APP: variants seen among roughly 807,000 people sequenced by gnomAD.
APP encodes the protein amyloid-beta precursor protein.
Under a neutral mutation model 101.4 loss-of-function variants are expected in APP, and 31 were observed. That is an observed-to-expected ratio of 0.31 (90% confidence interval 0.23 to 0.41). The LOEUF (loss-of-function observed/expected upper bound fraction) is 0.41. Among genes scored for constraint, APP ranks in the 10% least tolerant of loss-of-function variants. APP has a pLI of 1.00. For missense variants in APP, 839 were observed against 1,003.7 expected (o/e 0.84, Z 2.22); for synonymous variants, 366 against 364.4 (o/e 1.00, Z -0.05).
chr21:25,897,621 A>C lies in APP; in HGVS notation c.2016T>G (p.Asp672Glu). Reference protein sequence around the residue: ...KTEEISEVKMDAEFRHDSGYE... With the variant: ...KTEEISEVKMEAEFRHDSGYE... ...ATCCTGAGTCATGTCGGAATTCTGCATCCATCTTCACTTCAGAGATCTCCT... is the reference window on the plus strand; with the variant it reads ...ATCCTGAGTCATGTCGGAATTCTGCCTCCATCTTCACTTCAGAGATCTCCT... The change falls in exon 16 of 18, where the codon GAT becomes GAG. Residue 672 changes from aspartate to glutamate, a missense_variant. Transcript: ENST00000346798. 1 of 1,614,082 alleles carries C rather than the reference A, an allele frequency of 6.2e-7. No individual in the cohort carries two copies. Among genetic ancestry groups the C allele is most frequent in the African/African-American group, 1.3e-5 (1 of 75,060 alleles).
chr21:26,079,044 C>CAAAAAAA (rs34285555), intron 3 of APP, among the ~76,000 whole-genome samples: 1 of 114,414 alleles, frequency 8.7e-6, no homozygotes, highest in African/African-American at 3.5e-5. Flanking sequence ...AACTCCATCT[C>CAAAAAAA]AAAAAAAAAA....
At chr21:26,124,532 G>T (rs921677624) in intron 1 of APP, among the ~76,000 whole-genome samples, 1 of 152,198 alleles carries the variant, frequency 6.6e-6, no homozygotes, top group Non-Finnish European at 1.5e-5. Context: ...TACATAAACA[G>T]TGTGAGCAGT....
At chr21:26,121,690 G>A (rs147795923) in intron 1 of APP, among the ~76,000 whole-genome samples, 215 of 152,186 alleles carry the variant, frequency 1.4e-3, no homozygotes, top group Middle Eastern at 0.01. Flanking sequence ...ACTAAATAAC[G>A]ACACAGCATA....
intron 15 of APP, among the ~76,000 whole-genome samples, chr21:25,903,945 G>A (rs2038649574): frequency 6.6e-6 from 1 of 151,876 alleles, no homozygotes; most frequent in African/African-American, 2.4e-5. Context: ...CGTGCTTGGA[G>A]GCAGTCATGG....
chr21:26,053,108 T>C (rs1393065373), intron 4 of APP, 128 bp downstream of exon 4: 1 of 788,520 alleles, frequency 1.3e-6, no homozygotes, highest in Non-Finnish European at 2.3e-6. Flanking sequence ...TTACGGATAG[T>C]AGCACTGGGT....
At chr21:25,991,773 T>C (rs1405453037) in intron 8 of APP, among the ~76,000 whole-genome samples, 1 of 152,258 alleles carries the variant, frequency 6.6e-6, no homozygotes, top group Non-Finnish European at 1.5e-5. Context: ...CACTGCATAG[T>C]TAAGTAGTTA....
chr21:25,886,576 T>G (rs771600278), intron 17 of APP, among the ~76,000 whole-genome samples: 7 of 151,634 alleles, frequency 4.6e-5, no homozygotes, highest in Non-Finnish European at 1.0e-4. Context: ...TGTATTTTTA[T>G]TAGAGACAGG....
chr21:25,934,311 C>T (rs2040271196), intron 13 of APP: 1 of 152,114 alleles, frequency 6.6e-6, no homozygotes, highest in African/African-American at 2.4e-5. Context: ...TGGTTTCGGC[C>T]ATGCGGTTTG....
intron 1 of APP, among the ~76,000 whole-genome samples, chr21:26,129,201 C>T (rs2062743004): frequency 6.6e-6 from 1 of 152,052 alleles, no homozygotes; most frequent in Non-Finnish European, 1.5e-5. Flanking sequence ...GGACAGGCAC[C>T]ATGGCTCACG....
rs12482071 is a variant in APP, at chr21:26,140,010, A to G, written c.58-27864T>C. On this transcript the variant is annotated intron_variant, in intron 1 of 17. Coordinates refer to ENST00000346798, the MANE Select transcript of APP (RefSeq NM_000484.4). ...ATGGATGGCCAAATTAAATCATTAC[A>G]CCAAATAATTTGCAAACTTCATCCC... 0.042 allele frequency: 27,799 copies of G among 668,018 alleles called. 1,008 individuals carry two copies. Among genetic ancestry groups the G allele is most frequent in the African/African-American group, 0.093 (5,218 of 56,038 alleles). The allele number at this position is 668,018 out of a possible 1,614,324, so 41.4% of individuals were successfully genotyped here. A position where few individuals can be genotyped will look rare whatever the true frequency, so the allele number is the denominator to read the frequency against.
chr21:26,147,018 A>G (rs2063168876), intron 1 of APP, among the ~76,000 whole-genome samples: 1 of 152,322 alleles, frequency 6.6e-6, no homozygotes, highest in Admixed American at 6.5e-5. Context: ...TATATGCACA[A>G]CTTTATTTCT....
intron 5 of APP, among the ~76,000 whole-genome samples, chr21:26,042,932 T>C (rs1437685845): frequency 6.6e-6 from 1 of 152,034 alleles, no homozygotes; most frequent in Non-Finnish European, 1.5e-5. Context: ...AAAAATCACT[T>C]TAATATAGTA....
intron 14 of APP, among the ~76,000 whole-genome samples, chr21:25,908,170 G>A (rs1014484044): frequency 2.6e-5 from 4 of 152,168 alleles, no homozygotes; most frequent in Non-Finnish European, 1.5e-5. Flanking sequence ...ATCATTTCAC[G>A]ATCTGTGAGC....
intron 8 of APP, among the ~76,000 whole-genome samples, chr21:25,992,509 A>G (rs968397565): frequency 1.3e-5 from 2 of 152,216 alleles, no homozygotes; most frequent in African/African-American, 4.8e-5. Context: ...CCAAAATCTG[A>G]AGCACTTCTG....
chr21:25,907,058 T>C (rs1053822801), intron 14 of APP, among the ~76,000 whole-genome samples: 4 of 152,176 alleles, frequency 2.6e-5, no homozygotes, highest in Non-Finnish European at 5.9e-5. Context: ...AAATGGTTTT[T>C]CCAGGGTTCA....
rs985135664 is a variant in APP at position 26,053,208 on chromosome 21, C to T, written c.468+28G>A. 10 of 1,526,438 alleles carry T rather than the reference C, an allele frequency of 6.6e-6. No homozygotes were observed. In the African/African-American group the frequency reaches 1.4e-4, roughly 21 times the overall value. 94.6% of individuals were successfully genotyped at this position (1,526,438 alleles called of 1,614,324 possible). A position where few individuals can be genotyped will look rare whatever the true frequency, so the allele number is the denominator to read the frequency against. On this transcript the variant is annotated intron_variant, in intron 4 of 17. Coordinates refer to ENST00000346798, the MANE Select transcript of APP (RefSeq NM_000484.4). ...ACGTCCCCAGGAAATCTTCACTTTG[C>T]AATAAGAAAGAATTTATGGGCTGGT...
At chr21:26,131,548 G>C (rs1208808048) in intron 1 of APP, among the ~76,000 whole-genome samples, 1 of 152,084 alleles carries the variant, frequency 6.6e-6, no homozygotes, top group Non-Finnish European at 1.5e-5. Flanking sequence ...GCTTAAATAA[G>C]GGAAATAAGA....
intron 17 of APP, among the ~76,000 whole-genome samples, chr21:25,882,873 C>A (rs1026235227): frequency 4.6e-5 from 7 of 152,148 alleles, no homozygotes; most frequent in Admixed American, 6.5e-5. Flanking sequence ...TGGGAGAATA[C>A]TGCAGGCCCA....
At chr21:26,043,157 G>A (rs1419435762) in intron 5 of APP, among the ~76,000 whole-genome samples, 1 of 152,132 alleles carries the variant, frequency 6.6e-6, no homozygotes, top group Non-Finnish European at 1.5e-5. Context: ...GACCCATCAT[G>A]CTATGTTATT....
Sources: gnomAD v4.1 joint callset for allele counts (sites outside exome capture counted in the v4.1 genomes callset) on GRCh38, gnomAD v4.1.1 for gene constraint, MANE v1.5 for transcripts, NCBI Gene and HGNC (gene_info 2026-07-23, HGNC 2026-07-21) for gene names.